Variants in RASGRP2 observed in about 807,000 individuals in gnomAD.
RASGRP2 encodes RAS guanyl-releasing protein 2.
Under a neutral mutation model 71.0 loss-of-function variants are expected in RASGRP2, and 44 were observed. The ratio of observed to expected loss-of-function variants is 0.62; its 90% CI spans 0.49 to 0.80. The LOEUF is 0.80. Among genes scored for constraint, RASGRP2 ranks in the 30% least tolerant of loss-of-function variants. RASGRP2 has a pLI of 0.00. For synonymous variants in RASGRP2, 350 were observed against 330.7 expected (o/e 1.06, Z -0.63); for missense variants, 663 against 813.4 (o/e 0.82, Z 2.25).
rs972052448 is a variant in RASGRP2, at chr11:64,743,196, G to A, written c.-71-259C>T. On this transcript the variant is annotated intron_variant, in intron 1 of 16. Coordinates refer to ENST00000394432, the MANE Select transcript of RASGRP2 (RefSeq NM_001098671.2). The surrounding 1 kb of genome is among the most constrained non-coding windows in gnomAD (Gnocchi z 4.9). ...CTTCACGAGGATGGGGACGAACCAA[G>A]ATCCCAGGACTGGCTGGCGCCCAGC... 1.4e-5 allele frequency: 8 copies of A among 557,856 alleles called. No individual in the cohort carries two copies. The highest frequency in any genetic ancestry group is 2.7e-5 in the Non-Finnish European group (8 of 293,016). The allele number at this position is 557,856 out of a possible 1,614,324, so 34.6% of individuals were successfully genotyped here.
chr11:64,727,613 AGCGATTCTCGT>A (rs1245309916), intron 15 of RASGRP2, among the ~76,000 whole-genome samples: 1 of 150,318 alleles, frequency 6.7e-6, no homozygotes, highest in Middle Eastern at 3.2e-3. Context: ...CCCAGGTTCA[AGCGATTCTCGT>A]GCCTCAGCCT....
In RASGRP2 at chr11:64,727,370, G is replaced by A. The variant is rs781380492; in HGVS notation, c.1772-10C>T. On this transcript the variant is annotated splice_polypyrimidine_tract_variant and intron_variant, in intron 15 of 16. Coordinates refer to ENST00000394432, the MANE Select transcript of RASGRP2 (RefSeq NM_001098671.2). ...TCCTCCTCACGGATCTCTGCTGGGA[G>A]GGGGATTGCTGCAGAACACACTTCC... 6.2e-7 allele frequency: 1 copy of A among 1,613,404 alleles called. No homozygotes were observed. Among genetic ancestry groups the A allele is most frequent in the African/African-American group, 1.3e-5 (1 of 74,838 alleles).
At chr11:64,731,002 C>G (rs1277324820) in intron 12 of RASGRP2, among the ~76,000 whole-genome samples, 2 of 152,158 alleles carry the variant, frequency 1.3e-5, no homozygotes, top group Non-Finnish European at 2.9e-5. Context: ...TGAGGGGGCT[C>G]ATAATGTGTG....
At position 64,735,986 on chromosome 11, in the gene RASGRP2, A is replaced by T; in HGVS notation, c.1096-6T>A. The T allele has an allele frequency of 6.2e-7, 1 of 1,613,462 alleles. No individual in the cohort carries two copies. The highest frequency in any genetic ancestry group is 8.5e-7 in the Non-Finnish European group (1 of 1,179,618). On this transcript the variant is annotated splice_region_variant and splice_polypyrimidine_tract_variant and intron_variant, in intron 9 of 16. Coordinates refer to ENST00000394432, the MANE Select transcript of RASGRP2 (RefSeq NM_001098671.2). This position sits in a 1 kb window ranked among gnomAD's most constrained non-coding sequence, Gnocchi z 4.2. ...TGATACTGATCCAGAGACACCTGGG[A>T]CACACAGATCTGATCACCCCCACTG...
At chr11:64,741,951 C>G in intron 3 of RASGRP2, 59 bp downstream of exon 3, 1 of 1,425,408 alleles carries the variant, frequency 7.0e-7, no homozygotes, top group Non-Finnish European at 9.8e-7. Flanking sequence ...CTGGGCTGGG[C>G]AGAGGGGCTG....
At chr11:64,741,568 G>A (rs1422321324) in intron 3 of RASGRP2, 67 bp from the exon 4 acceptor site, 2 of 1,377,466 alleles carry the variant, frequency 1.5e-6, no homozygotes, top group African/African-American at 1.4e-5. Flanking sequence ...GGAGGCTGGG[G>A]GCGGGGCCTG....
chr11:64,739,982 GACCCCTGACCCCCCAGCCCTCGGGCCGC>G lies in RASGRP2; in HGVS notation c.522+3_522+30del. The G allele has an allele frequency of 6.2e-7, 1 of 1,613,820 alleles. No individual in the cohort carries two copies. Among genetic ancestry groups the G allele is most frequent in the Non-Finnish European group, 8.5e-7 (1 of 1,179,986 alleles). ...TAGAACTCTCTTCCAGCCCACATTG[GACCCCTGACCCCCCAGCCCTCGGGCCGC>G]ACCAGGATCTTGCAGAAGGAGCGAT... On this transcript the variant is annotated splice_donor_5th_base_variant and intron_variant, in intron 6 of 16. Transcript: ENST00000394432. The surrounding 1 kb of genome is among the most constrained non-coding windows in gnomAD (Gnocchi z 4.2).
intron 8 of RASGRP2, 68 bp from the exon 9 acceptor site, chr11:64,737,102 G>C: frequency 6.3e-7 from 1 of 1,589,062 alleles, no homozygotes. Context: ...TGGAAATGTA[G>C]GAGGGGGTGA....
At chr11:64,730,343 G>A (rs1005229065) in intron 12 of RASGRP2, 149 bp from the exon 13 acceptor site, 36 of 1,000,684 alleles carry the variant, frequency 3.6e-5, no homozygotes, top group African/African-American at 3.2e-5. Flanking sequence ...CACTGGACTA[G>A]GGGTCAGGCA....
chr11:64,743,743 G>A lies in RASGRP2; in HGVS notation c.-72+260C>T, dbSNP rs764369328. On this transcript the variant is annotated intron_variant, in intron 1 of 16. Coordinates refer to ENST00000394432, the MANE Select transcript of RASGRP2 (RefSeq NM_001098671.2). The surrounding 1 kb of genome is among the most constrained non-coding windows in gnomAD (Gnocchi z 4.9). Reference sequence around the variant, plus strand: ...CACGGAGCAGGGTGTCCAGAGGGGGGCGCTCGCGCCAAGGGTGGCCGGTGG... The same window carrying A: ...CACGGAGCAGGGTGTCCAGAGGGGGACGCTCGCGCCAAGGGTGGCCGGTGG... 9 of 315,878 alleles carry A rather than the reference G, an allele frequency of 2.8e-5. No homozygotes were observed. Among genetic ancestry groups the A allele is most frequent in the South Asian group, 1.9e-4 (8 of 43,144 alleles). The allele number at this position is 315,878 out of a possible 1,614,324, so 19.6% of individuals were successfully genotyped here. A position where few individuals can be genotyped will look rare whatever the true frequency, so the allele number is the denominator to read the frequency against.
Position 64,735,573 on chromosome 11 carries a change from A to C in RASGRP2, c.1265T>G (p.Leu422Arg). ...CATCTTCTCGATGTGCTCCACCACG[A>C]GGGCCTGATCCAGCTTGGGTTTGGC... ...SAAKPKLDQA[L>R]VVEHIEKMVE... The change falls in exon 11 of 17, where the codon CTC becomes CGC. Residue 422 changes from leucine to arginine, a missense_variant. By Grantham distance (102) the Leu-to-Arg change is moderately radical. Transcript: ENST00000394432. The surrounding 1 kb of genome is among the most constrained non-coding windows in gnomAD (Gnocchi z 4.2). 1 of 1,614,046 alleles carries C rather than the reference A, an allele frequency of 6.2e-7. No individual in the cohort carries two copies. Among genetic ancestry groups the C allele is most frequent in the Admixed American group, 1.7e-5 (1 of 60,016 alleles).
rs1248554412 is a variant in RASGRP2 at position 64,742,995 on chromosome 11, G to A, written c.-71-58C>T. On this transcript the variant is annotated intron_variant, in intron 1 of 16. Transcript: ENST00000394432. The surrounding 1 kb of genome is among the most constrained non-coding windows in gnomAD (Gnocchi z 4.7). ...GAGTCGCGGGCGGGGGAGCGGCCCC[G>A]CGGGCAGAAACGGGGCGGGGCGGGC... The A allele has an allele frequency of 6.7e-7, 1 of 1,501,710 alleles. No individual in the cohort carries two copies. The highest frequency in any genetic ancestry group is 8.9e-7 in the Non-Finnish European group (1 of 1,128,004). 93.0% of individuals were successfully genotyped at this position (1,501,710 alleles called of 1,614,324 possible).
intron 4 of RASGRP2, 144 bp downstream of exon 4, chr11:64,741,295 A>C: frequency 9.3e-7 from 1 of 1,079,928 alleles, no homozygotes; most frequent in Non-Finnish European, 1.4e-6. Flanking sequence ...GGAAGGGGTG[A>C]GCCTGTGGCA....
rs542443439 is a variant in RASGRP2, at chr11:64,739,243, G to A, written c.813+117C>T. 1.6e-5 allele frequency: 13 copies of A among 825,616 alleles called. No homozygotes were observed. Among genetic ancestry groups the A allele is most frequent in the African/African-American group, 8.4e-5 (5 of 59,536 alleles). The allele number at this position is 825,616 out of a possible 1,614,324, so 51.1% of individuals were successfully genotyped here. ...ACTGAGAAAAGCACTTAACCCCTCT[G>A]AGCCTCCATTTCCATATCTATCAAA... On this transcript the variant is annotated intron_variant, in intron 8 of 16. Transcript: ENST00000394432. The surrounding 1 kb of genome is among the most constrained non-coding windows in gnomAD (Gnocchi z 4.2).
rs746745684 is a variant in RASGRP2 at position 64,735,904 on chromosome 11, G to A, written c.1172C>T (p.Ser391Leu). ...SLQREPRSKS[S>L]PTSPTSCTPP... ...GGAGAGGAGGGAGTACCCCCTCACC[G>A]AGGACTTGGAGCGCGGCTCCCGCTG... The change falls in exon 10 of 17, where the codon TCG (serine) becomes TTG (leucine). Residue 391 changes from serine (S) to leucine (L), a missense_variant and splice_region_variant. By Grantham distance (145) the Ser-to-Leu change is moderately radical. Transcript: ENST00000394432. The surrounding 1 kb of genome is among the most constrained non-coding windows in gnomAD (Gnocchi z 4.2). The A allele has an allele frequency of 6.2e-6, 10 of 1,613,346 alleles. No homozygotes were observed. The highest frequency in any genetic ancestry group is 2.2e-5 in the South Asian group (2 of 91,006).
Position 64,736,873 on chromosome 11 carries a change from G to A in RASGRP2, c.975C>T (p.Ala325=), listed in dbSNP as rs766983591. ...QLALPDWLDP[A]RTRLNGAKMK... ...TCTTGGCCCCGTTGAGCCGGGTCCG[G>A]GCTGGGTCCAGCCAGTCAGGCAGTG... is the stretch of plus-strand genomic sequence containing the variant. The change falls in exon 9 of 17, where the codon GCC becomes GCT. Residue 325 remains alanine (A), a synonymous_variant. Transcript: ENST00000394432. 2 of 1,613,644 alleles carry A rather than the reference G, an allele frequency of 1.2e-6. No individual in the cohort carries two copies. Among genetic ancestry groups the A allele is most frequent in the Middle Eastern group, 1.6e-4 (1 of 6,062 alleles).
chr11:64,730,144 C>G lies in RASGRP2; in HGVS notation c.1463G>C (p.Ser488Thr). Residue 488 changes from serine (S) to threonine (T), a missense_variant, in exon 13 of 17, where the codon AGC (serine) becomes ACC (threonine). Transcript: ENST00000394432. ...GCCCATGCGCCCCCCCAACACAGAG[C>G]TGGAGCGCAGGAAATAGGAAACCAT... Reference protein sequence around the residue: ...EEMVSYFLRSSSVLGGRMGFV... With the variant: ...EEMVSYFLRSTSVLGGRMGFV... The G allele has an allele frequency of 6.4e-7, 1 of 1,551,606 alleles. No individual in the cohort carries two copies. Among genetic ancestry groups the G allele is most frequent in the Non-Finnish European group, 8.7e-7 (1 of 1,147,030 alleles).
rs554766114 is a variant in RASGRP2, at chr11:64,735,283, C to G, written c.1297-56G>C. 6 of 1,424,568 alleles carry G rather than the reference C, an allele frequency of 4.2e-6. No individual in the cohort carries two copies. The South Asian group carries it at 6.9e-5, about 16-fold the overall frequency. 88.2% of individuals were successfully genotyped at this position (1,424,568 alleles called of 1,614,324 possible). A position where few individuals can be genotyped will look rare whatever the true frequency, so the allele number is the denominator to read the frequency against. On this transcript the variant is annotated intron_variant, in intron 11 of 16. Transcript: ENST00000394432. The surrounding 1 kb of genome is among the most constrained non-coding windows in gnomAD (Gnocchi z 4.2). Reference sequence around the variant, plus strand: ...GAAGAGGGGAGAGTAAAGGGGACATCAGGTCCTGTCCCTTCCCACGTTCCC... The same window carrying G: ...GAAGAGGGGAGAGTAAAGGGGACATGAGGTCCTGTCCCTTCCCACGTTCCC...
rs1278146808 is a variant in RASGRP2 at position 64,735,593 on chromosome 11, T to A, written c.1245A>T (p.Lys415Asn). 7.4e-6 allele frequency: 12 copies of A among 1,613,860 alleles called. No homozygotes were observed. Among genetic ancestry groups the A allele is most frequent in the Non-Finnish European group, 1.0e-5 (12 of 1,179,984 alleles). The change falls in exon 11 of 17, where the codon AAA becomes AAT. Residue 415 changes from lysine to asparagine, a missense_variant. Transcript: ENST00000394432. This position sits in a 1 kb window ranked among gnomAD's most constrained non-coding sequence, Gnocchi z 4.2. The part of the protein sequence containing the change: ...PVLEEWTSAA[K>N]PKLDQALVVE... ...CCACGAGGGCCTGATCCAGCTTGGGTTTGGCAGCCGAGGTCCACTCCTCCA... is the reference window on the plus strand; with the variant it reads ...CCACGAGGGCCTGATCCAGCTTGGGATTGGCAGCCGAGGTCCACTCCTCCA...
Sources: allele counts gnomAD v4.1 joint callset (sites outside exome capture counted in the v4.1 genomes callset), GRCh38; gene constraint gnomAD v4.1.1; non-coding constraint Gnocchi (gnomAD v3.1); transcripts MANE v1.5; gene names NCBI Gene and HGNC (gene_info 2026-07-23, HGNC 2026-07-21).